PLEKHM3: variants seen among roughly 807,000 people sequenced by gnomAD.
PLEKHM3 encodes pleckstrin homology domain-containing family M member 3.
Under a neutral mutation model 81.8 loss-of-function variants are expected in PLEKHM3, and 45 were observed. The ratio of observed to expected loss-of-function variants is 0.55; its 90% CI spans 0.43 to 0.71. The LOEUF (loss-of-function observed/expected upper bound fraction) is 0.71, where lower values mean the gene tolerates loss of function less well. Ranked by LOEUF, PLEKHM3 falls within the 30% of genes least tolerant of loss-of-function variation. The pLI is 0.00. For synonymous variants in PLEKHM3, 352 were observed against 356.4 expected, an observed-to-expected ratio of 0.99 and a Z score of 0.14; for missense variants, 788 against 924.3, an observed-to-expected ratio of 0.85 and a Z score of 1.91.
intron 1 of PLEKHM3, among the ~76,000 whole-genome samples, chr2:208,010,207 T>G (rs142116798): frequency 1.3e-5 from 2 of 152,366 alleles, no homozygotes; most frequent in African/African-American, 4.8e-5. Context: ...ACATGTTTAT[T>G]GTTTGCCACC....
At chr2:207,932,893 T>C (rs1689638132) in intron 4 of PLEKHM3, among the ~76,000 whole-genome samples, 1 of 152,258 alleles carries the variant, frequency 6.6e-6, no homozygotes, top group Non-Finnish European at 1.5e-5. Flanking sequence ...ATGGCTATTA[T>C]ATGTTGATTA....
intron 6 of PLEKHM3, among the ~76,000 whole-genome samples, chr2:207,882,187 A>T (rs2092594989): frequency 6.6e-6 from 1 of 152,186 alleles, no homozygotes; most frequent in African/African-American, 2.4e-5. Context: ...GAAACCACAA[A>T]TTCCCACTTA....
In PLEKHM3 at chr2:207,861,166, T is replaced by C. The variant is rs2092465090; in HGVS notation, c.2047A>G (p.Ile683Val). 2 of 1,614,150 alleles carry C rather than the reference T, an allele frequency of 1.2e-6. No individual in the cohort carries two copies. The highest frequency in any genetic ancestry group is 2.2e-5 in the East Asian group (1 of 44,886). Residue 683 changes from isoleucine (I) to valine (V), a missense_variant, in exon 7 of 8, where the codon ATC (isoleucine) becomes GTC (valine). Ile to Val is a conservative substitution (Grantham distance 29). Transcript: ENST00000427836. ...SCSLCSQKGF[I>V]CEICNNGEIL... ...TCTCCATTGTTACAGATTTCACAGA[T>C]GAACCCCTTCTGGCTACAAAGACTG...
chr2:207,923,725 C>T (rs944341620), intron 5 of PLEKHM3, among the ~76,000 whole-genome samples: 2 of 150,846 alleles, frequency 1.3e-5, no homozygotes, highest in African/African-American at 2.4e-5. Context: ...CTTAGAGAAC[C>T]TTAAAGCAAA....
intron 1 of PLEKHM3, among the ~76,000 whole-genome samples, chr2:208,005,791 T>C (rs1487072265): frequency 3.9e-5 from 6 of 152,200 alleles, no homozygotes; most frequent in African/African-American, 1.2e-4. Context: ...CCCAAATACA[T>C]GGAATAGTGT....
chr2:207,826,538 G>A lies in PLEKHM3; in HGVS notation c.*1781C>T, dbSNP rs931530832. ...ATAGTCAGAAAATAAATGCATGTAT[G>A]GTGTTGAGCTATTAAGGTGAAATGT... On this transcript the variant is annotated 3_prime_UTR_variant, in exon 8 of 8. Transcript: ENST00000427836. The A allele has an allele frequency of 3.3e-5, 5 of 152,296 alleles. No homozygotes were observed. The highest frequency in any genetic ancestry group is 9.6e-5 in the African/African-American group (4 of 41,560). 9.4% of individuals were successfully genotyped at this position (152,296 alleles called of 1,614,324 possible). A position where few individuals can be genotyped will look rare whatever the true frequency, so the allele number is the denominator to read the frequency against.
intron 7 of PLEKHM3, among the ~76,000 whole-genome samples, chr2:207,832,047 G>A (rs1334862165): frequency 6.6e-6 from 1 of 152,244 alleles, no homozygotes; most frequent in Non-Finnish European, 1.5e-5. Flanking sequence ...GCTGCAGTGA[G>A]TGAAGAGATT....
intron 6 of PLEKHM3, among the ~76,000 whole-genome samples, chr2:207,885,163 G>T (rs565268964): frequency 2.0e-5 from 3 of 152,298 alleles, no homozygotes; most frequent in South Asian, 4.1e-4. Flanking sequence ...GAATGTTTTG[G>T]TCTGAAAGCT....
At position 207,833,579 on chromosome 2, in the gene PLEKHM3, T is replaced by C. The variant is rs1276421636; in HGVS notation, c.2109-5083A>G. Among the ~76,000 whole-genome samples, 4 of 152,342 alleles carry C rather than the reference T, an allele frequency of 2.6e-5. No individual in the cohort carries two copies. The East Asian group carries it at 7.7e-4, about 29-fold the overall frequency. On this transcript the variant is annotated intron_variant, in intron 7 of 7. Coordinates refer to ENST00000427836, the MANE Select transcript of PLEKHM3 (RefSeq NM_001080475.3). ...CCTTGGCCCTACTGACATTTTGAGT[T>C]ATAATCCTTTGATGTGAGGGGGTGT...
At chr2:207,898,166 T>C (rs541295240) in intron 6 of PLEKHM3, among the ~76,000 whole-genome samples, 22 of 152,346 alleles carry the variant, frequency 1.4e-4, no homozygotes, top group African/African-American at 4.8e-4. Flanking sequence ...TTCTCTATTA[T>C]AAAGCAGAGG....
chr2:207,928,887 T>C (rs1403367279), intron 5 of PLEKHM3, among the ~76,000 whole-genome samples: 1 of 152,218 alleles, frequency 6.6e-6, no homozygotes, highest in Admixed American at 6.5e-5. Context: ...ACTCATTTTC[T>C]TATTCACTCA....
At chr2:207,979,673 A>G (rs532922060) in intron 2 of PLEKHM3, among the ~76,000 whole-genome samples, 2 of 152,218 alleles carry the variant, frequency 1.3e-5, no homozygotes, top group Non-Finnish European at 2.9e-5. Context: ...TCATAAACTA[A>G]TTGAGACATT....
intron 7 of PLEKHM3, among the ~76,000 whole-genome samples, chr2:207,841,902 T>A (rs1267973947): frequency 6.6e-6 from 1 of 152,160 alleles, no homozygotes; most frequent in Non-Finnish European, 1.5e-5. Flanking sequence ...TAATTCTATA[T>A]TAAATATACT....
intron 6 of PLEKHM3, chr2:207,868,873 G>T (rs2092517457): frequency 1.3e-5 from 2 of 151,954 alleles, no homozygotes; most frequent in Admixed American, 1.3e-4. Context: ...CATTTCTTCT[G>T]ATATTATCTG....
rs561407773 is a variant in PLEKHM3 at position 207,929,779 on chromosome 2, A to G, written c.1886+1147T>C. 2.7e-5 allele frequency: 15 copies of G among 556,356 alleles called. No homozygotes were observed. In the East Asian group the frequency reaches 3.8e-4, roughly 14 times the overall value. 34.5% of individuals were successfully genotyped at this position (556,356 alleles called of 1,614,324 possible). A position where few individuals can be genotyped will look rare whatever the true frequency, so the allele number is the denominator to read the frequency against. On this transcript the variant is annotated intron_variant, in intron 5 of 7. Transcript: ENST00000427836. Reference sequence around the variant, plus strand: ...GTCTAGATATTATATATCCTTTACTATCTACATTTAGTTCTTTTTTAGATG... The same window carrying G: ...GTCTAGATATTATATATCCTTTACTGTCTACATTTAGTTCTTTTTTAGATG...
At chr2:207,930,423 TTAAAAA>T (rs1169386745) in intron 5 of PLEKHM3, among the ~76,000 whole-genome samples, 13 of 151,580 alleles carry the variant, frequency 8.6e-5, no homozygotes, top group African/African-American at 3.1e-4. Context: ...TCTCTATTCT[TTAAAAA>T]TAAAAATAAA....
At chr2:207,926,059 G>A (rs368486111) in intron 5 of PLEKHM3, among the ~76,000 whole-genome samples, 47 of 152,138 alleles carry the variant, frequency 3.1e-4, no homozygotes, top group African/African-American at 1.0e-3. Context: ...CACCATAAAC[G>A]AATTAAATGG....
chr2:207,923,980 C>T (rs1689297773), intron 5 of PLEKHM3, among the ~76,000 whole-genome samples: 1 of 139,118 alleles, frequency 7.2e-6, no homozygotes, highest in Non-Finnish European at 1.5e-5. Flanking sequence ...GCAATCTGAG[C>T]TCATTGCAAC....
At chr2:207,999,230 C>A (rs189171735) in intron 2 of PLEKHM3, among the ~76,000 whole-genome samples, 4 of 152,074 alleles carry the variant, frequency 2.6e-5, no homozygotes, top group African/African-American at 9.7e-5. Flanking sequence ...CCTGCCTCAG[C>A]CTCCCAAAGT....
Sources: gnomAD v4.1 joint callset for allele counts (sites outside exome capture counted in the v4.1 genomes callset) on GRCh38, gnomAD v4.1.1 for gene constraint, MANE v1.5 for transcripts, NCBI Gene and HGNC (gene_info 2026-07-23, HGNC 2026-07-21) for gene names.